GRIA1: variants seen among roughly 807,000 people sequenced by gnomAD.
The protein encoded by GRIA1 is glutamate ionotropic receptor AMPA type subunit 1, also known as glutamate receptor 1.
A neutral mutation model predicts 99.2 loss-of-function variants in GRIA1; 31 were observed. The observed-to-expected ratio is 0.31, with a 90% CI of 0.23 to 0.42. GRIA1 has a LOEUF of 0.42. Ranked by LOEUF, GRIA1 falls within the 10% of genes least tolerant of loss-of-function variation. The probability of loss-of-function intolerance (pLI) is 1.00; values close to 1 mark genes in which losing one functional copy is unlikely to be tolerated. For missense variants in GRIA1, 782 were observed against 1,157.5 expected (o/e 0.68, Z 4.71); for synonymous variants, 438 against 432.4 (o/e 1.01, Z -0.16).
At chr5:153,655,418 A>G (rs1425773321) in intron 4 of GRIA1, among the ~76,000 whole-genome samples, 4 of 152,224 alleles carry the variant, frequency 2.6e-5, no homozygotes, top group South Asian at 2.1e-4. Context: ...GACAGATTTC[A>G]TGCAACATAA....
chr5:153,591,547 C>T (rs1187884003), intron 2 of GRIA1, among the ~76,000 whole-genome samples: 1 of 152,186 alleles, frequency 6.6e-6, no homozygotes, highest in Non-Finnish European at 1.5e-5. Flanking sequence ...TGCCTTTTCA[C>T]TCAACTGTGA....
intron 12 of GRIA1, 85 bp downstream of exon 12, chr5:153,764,717 G>GGCTAT: frequency 2.1e-6 from 2 of 969,296 alleles, no homozygotes; most frequent in Non-Finnish European, 3.2e-6. Flanking sequence ...TATAGCCTGA[G>GGCTAT]ATAACAGGCA....
In GRIA1 at chr5:153,705,824, G is replaced by A; in HGVS notation, c.1580G>A (p.Gly527Asp). 6.2e-7 allele frequency: 1 copy of A among 1,613,896 alleles called. No individual in the cohort carries two copies. Among genetic ancestry groups the A allele is most frequent in the Non-Finnish European group, 8.5e-7 (1 of 1,179,974 alleles). Reference protein sequence around the residue: ...MIKKPQKSKPGVFSFLDPLAY... With the variant: ...MIKKPQKSKPDVFSFLDPLAY... ...AAAAAACCACAGAAATCCAAGCCGG[G>A]TGTCTTCTCCTTCCTTGATCCTTTG... Residue 527 changes from glycine (G) to aspartate (D), a missense_variant, in exon 11 of 16, where the codon GGT (glycine) becomes GAT (aspartate). By Grantham distance (94) the Gly-to-Asp change is moderately conservative. Coordinates refer to ENST00000285900, the MANE Select transcript of GRIA1 (RefSeq NM_000827.4).
intron 11 of GRIA1, among the ~76,000 whole-genome samples, chr5:153,719,213 C>T (rs1472853106): frequency 6.6e-6 from 1 of 152,134 alleles, no homozygotes; most frequent in Non-Finnish European, 1.5e-5. Context: ...CTTAGTTCTG[C>T]CTCTTACACT....
intron 2 of GRIA1, among the ~76,000 whole-genome samples, chr5:153,602,946 C>T (rs1765117750): frequency 6.6e-6 from 1 of 152,112 alleles, no homozygotes; most frequent in African/African-American, 2.4e-5. Context: ...TTGATCTGAG[C>T]TTTGTTTAAT....
intron 2 of GRIA1, among the ~76,000 whole-genome samples, chr5:153,554,335 C>A (rs1760421414): frequency 3.3e-5 from 5 of 152,162 alleles, no homozygotes; most frequent in Admixed American, 3.3e-4. Context: ...ATGGTGAATT[C>A]ATTCTTCTAG....
At chr5:153,663,686 A>G (rs912309348) in intron 5 of GRIA1, among the ~76,000 whole-genome samples, 2 of 152,208 alleles carry the variant, frequency 1.3e-5, no homozygotes, top group Non-Finnish European at 2.9e-5. Flanking sequence ...TAAGATCTCA[A>G]TTTGTTCTAG....
intron 2 of GRIA1, among the ~76,000 whole-genome samples, chr5:153,579,711 A>T (rs544896894): frequency 6.6e-6 from 1 of 152,250 alleles, no homozygotes; most frequent in South Asian, 2.1e-4. Context: ...GCAGAGGTAG[A>T]GTAGGAGTAT....
intron 2 of GRIA1, among the ~76,000 whole-genome samples, 167 bp from the exon 3 acceptor site, chr5:153,646,761 C>T (rs1754179812): frequency 6.6e-6 from 1 of 151,914 alleles, no homozygotes; most frequent in Admixed American, 6.6e-5. Context: ...ACTGGTGTGT[C>T]GAAAGGATGA....
intron 11 of GRIA1, among the ~76,000 whole-genome samples, chr5:153,729,072 G>T (rs1247778086): frequency 6.7e-6 from 1 of 149,740 alleles, no homozygotes; most frequent in Non-Finnish European, 1.5e-5. Flanking sequence ...TGATGAGTTC[G>T]TGTCCTTTGT....
At chr5:153,671,352 A>G (rs908204671) in intron 5 of GRIA1, among the ~76,000 whole-genome samples, 3 of 152,238 alleles carry the variant, frequency 2.0e-5, no homozygotes, top group Non-Finnish European at 2.9e-5. Flanking sequence ...ATCTCCCAGT[A>G]GTTACTTTAT....
At position 153,715,643 on chromosome 5, in the gene GRIA1, C is replaced by T. The variant is rs116811953; in HGVS notation, c.1823+9576C>T. Among the ~76,000 whole-genome samples the T allele has an allele frequency of 3.0e-3, 460 of 152,222 alleles. 4 individuals are homozygous for T. Among genetic ancestry groups the T allele is most frequent in the African/African-American group, 0.01 (423 of 41,526 alleles). Reference sequence around the variant, plus strand: ...GCACGGGGGTGACACACTGTAAATGCTGTTGTTATTGCTGCTGTTGCCATT... The same window carrying T: ...GCACGGGGGTGACACACTGTAAATGTTGTTGTTATTGCTGCTGTTGCCATT... On this transcript the variant is annotated intron_variant, in intron 11 of 15. Coordinates refer to ENST00000285900, the MANE Select transcript of GRIA1 (RefSeq NM_000827.4).
intron 11 of GRIA1, among the ~76,000 whole-genome samples, chr5:153,761,687 A>G (rs1763190680): frequency 6.6e-6 from 1 of 152,220 alleles, no homozygotes; most frequent in Admixed American, 6.5e-5. Context: ...AGGAAATTAA[A>G]TCAGTACATC....
At chr5:153,764,705 T>C (rs2149608665) in intron 12 of GRIA1, 73 bp downstream of exon 12, 3 of 1,088,310 alleles carry the variant, frequency 2.8e-6, no homozygotes, top group Non-Finnish European at 1.4e-6. Context: ...TCCTTCTCAT[T>C]ATATAGCCTG....
intron 2 of GRIA1, among the ~76,000 whole-genome samples, chr5:153,582,786 C>T (rs1018462929): frequency 1.3e-5 from 2 of 152,042 alleles, no homozygotes; most frequent in African/African-American, 4.8e-5. Context: ...ACTCCTTCCC[C>T]TGACTTTTAT....
chr5:153,531,225 G>A (rs2113433240), intron 2 of GRIA1, among the ~76,000 whole-genome samples: 1 of 152,328 alleles, frequency 6.6e-6, no homozygotes, highest in South Asian at 2.1e-4. Flanking sequence ...GCCCACATGG[G>A]GGTTGGGAGG....
rs115895197 is a variant in GRIA1, at chr5:153,783,884, T to A, written c.2271-10737T>A. Among the ~76,000 whole-genome samples, 910 of 152,318 alleles carry A rather than the reference T, an allele frequency of 6.0e-3. 10 individuals carry two copies. Among genetic ancestry groups the A allele is most frequent in the African/African-American group, 0.021 (868 of 41,570 alleles). On this transcript the variant is annotated intron_variant, in intron 13 of 15. Transcript: ENST00000285900. ...CCAGAAGGCTCAGTCCATTCTGCCT[T>A]GGGTCACTGCAGGAGTATTTGCAGA...
chr5:153,595,992 T>A (rs1331000648), intron 2 of GRIA1, among the ~76,000 whole-genome samples: 1 of 150,580 alleles, frequency 6.6e-6, no homozygotes, highest in Non-Finnish European at 1.5e-5. Flanking sequence ...CCTCAAGGAC[T>A]ATAACCTTAT....
At chr5:153,743,817 G>T (rs138581560) in intron 11 of GRIA1, among the ~76,000 whole-genome samples, 7 of 152,152 alleles carry the variant, frequency 4.6e-5, no homozygotes, top group Non-Finnish European at 8.8e-5. Context: ...TAACACCAGG[G>T]GGCAGAGGTC....
Sources: gnomAD v4.1 joint callset for allele counts (sites outside exome capture counted in the v4.1 genomes callset) on GRCh38, gnomAD v4.1.1 for gene constraint, MANE v1.5 for transcripts, NCBI Gene and HGNC (gene_info 2026-07-23, HGNC 2026-07-21) for gene names.